Variants in ACVR2A observed in about 807,000 individuals in gnomAD.
ACVR2A encodes activin receptor type-2A.
ACVR2A carries 7 observed loss-of-function variants against 61.4 expected under a neutral mutation model. That is an observed-to-expected ratio of 0.11 (90% CI 0.06 to 0.21). ACVR2A has a LOEUF of 0.21. ACVR2A is among the 10% of genes least tolerant of loss of function. ACVR2A has a pLI of 1.00. For missense variants in ACVR2A, 322 were observed against 621.7 expected, an observed-to-expected ratio of 0.52 and a Z score of 5.13; for synonymous variants, 193 against 208.3, an observed-to-expected ratio of 0.93 and a Z score of 0.63.
chr2:147,896,621 T>TA, intron 2 of ACVR2A, 113 bp downstream of exon 2: 1 of 983,258 alleles, frequency 1.0e-6, no homozygotes, highest in Non-Finnish European at 1.5e-6. Flanking sequence ...TCTTGCTTTT[T>TA]AAAAAATGGG....
Position 147,927,541 on chromosome 2 carries a change from C to T in ACVR2A, c.*267C>T, listed in dbSNP as rs184320682. 1.6e-4 allele frequency: 43 copies of T among 271,188 alleles called. No homozygotes were observed. The highest frequency in any genetic ancestry group is 9.4e-4 in the African/African-American group (43 of 45,524). The allele number at this position is 271,188 out of a possible 1,614,324, so 16.8% of individuals were successfully genotyped here. A position where few individuals can be genotyped will look rare whatever the true frequency, so the allele number is the denominator to read the frequency against. ...AAGTGTACATGAAGAATGTAGCCCT[C>T]TCCAAATCAAGGATCTTTTGGACCT... On this transcript the variant is annotated 3_prime_UTR_variant, in exon 11 of 11. Transcript: ENST00000241416.
At chr2:147,895,280 A>G (rs1361280404) in intron 1 of ACVR2A, among the ~76,000 whole-genome samples, 1 of 152,148 alleles carries the variant, frequency 6.6e-6, no homozygotes, top group Non-Finnish European at 1.5e-5. Flanking sequence ...ATAGTGCACT[A>G]CTGTAATAAT....
At chr2:147,880,964 C>A (rs576024292) in intron 1 of ACVR2A, among the ~76,000 whole-genome samples, 4 of 152,192 alleles carry the variant, frequency 2.6e-5, no homozygotes, top group Non-Finnish European at 4.4e-5. Flanking sequence ...ATTTTTCCCT[C>A]TTTGTTTAAT....
At chr2:147,926,525 G>T (rs1330535547) in intron 10 of ACVR2A, among the ~76,000 whole-genome samples, 1 of 151,944 alleles carries the variant, frequency 6.6e-6, no homozygotes, top group Non-Finnish European at 1.5e-5. Context: ...GAAGCACCAT[G>T]TTTTCTCCTC....
At chr2:147,880,218 A>AT (rs1686266846) in intron 1 of ACVR2A, among the ~76,000 whole-genome samples, 1 of 152,030 alleles carries the variant, frequency 6.6e-6, no homozygotes, top group South Asian at 2.1e-4. Flanking sequence ...TTTAAAAAAA[A>AT]TTTTTTATAG....
chr2:147,879,844 T>A (rs555542988), intron 1 of ACVR2A, among the ~76,000 whole-genome samples: 2 of 152,314 alleles, frequency 1.3e-5, no homozygotes, highest in African/African-American at 4.8e-5. Flanking sequence ...AGGCTGTTGC[T>A]ATAGTCCAGG....
At chr2:147,880,697 A>G (rs1686278270) in intron 1 of ACVR2A, among the ~76,000 whole-genome samples, 1 of 152,164 alleles carries the variant, frequency 6.6e-6, no homozygotes, top group African/African-American at 2.4e-5. Context: ...TCAAGAAGTT[A>G]GCTATTTCTC....
intron 1 of ACVR2A, among the ~76,000 whole-genome samples, chr2:147,879,169 A>G (rs1041765626): frequency 2.0e-5 from 3 of 152,068 alleles, no homozygotes; most frequent in Admixed American, 2.0e-4. Flanking sequence ...CTGTTTTTCA[A>G]CTTTGTTTTA....
intron 1 of ACVR2A, among the ~76,000 whole-genome samples, chr2:147,848,948 C>A (rs957320452): frequency 9.2e-5 from 14 of 152,080 alleles, no homozygotes; most frequent in African/African-American, 3.4e-4. Context: ...TGATGATCTC[C>A]AGGTAACGTT....
intron 1 of ACVR2A, among the ~76,000 whole-genome samples, chr2:147,882,921 G>T (rs1349920527): frequency 6.6e-6 from 1 of 152,036 alleles, no homozygotes; most frequent in Non-Finnish European, 1.5e-5. Context: ...AAATTAGATT[G>T]ACAGGGCCTA....
In ACVR2A at chr2:147,899,582, A is replaced by G; in HGVS notation, c.373+15A>G. On this transcript the variant is annotated intron_variant, in intron 3 of 10. Transcript: ENST00000241416. Reference sequence around the variant, plus strand: ...AGTCACACAGCGTAAGTTCACAGGGAAAATACGTAGGTTTGCTCAACTGTA... The same window carrying G: ...AGTCACACAGCGTAAGTTCACAGGGGAAATACGTAGGTTTGCTCAACTGTA... 6.2e-7 allele frequency: 1 copy of G among 1,607,282 alleles called. No homozygotes were observed. The highest frequency in any genetic ancestry group is 8.5e-7 in the Non-Finnish European group (1 of 1,174,930).
chr2:147,880,446 C>G (rs1033201930), intron 1 of ACVR2A, among the ~76,000 whole-genome samples: 1 of 151,994 alleles, frequency 6.6e-6, no homozygotes, highest in African/African-American at 2.4e-5. Flanking sequence ...TCTACTCTTT[C>G]CAGAGGTATT....
intron 1 of ACVR2A, among the ~76,000 whole-genome samples, chr2:147,845,846 T>A (rs564042527): frequency 1.1e-4 from 17 of 152,354 alleles, no homozygotes; most frequent in Non-Finnish European, 2.1e-4. Context: ...GGTAATGTGC[T>A]GGCGTTCAAC....
intron 4 of ACVR2A, among the ~76,000 whole-genome samples, chr2:147,902,339 C>T (rs1686888901): frequency 6.6e-6 from 1 of 151,982 alleles, no homozygotes; most frequent in Admixed American, 6.6e-5. Context: ...CTCTTTGACA[C>T]TAAAGCTTTG....
chr2:147,925,130 G>GGAA (rs1293509572), intron 9 of ACVR2A, among the ~76,000 whole-genome samples: 1 of 151,970 alleles, frequency 6.6e-6, no homozygotes, highest in Non-Finnish European at 1.5e-5. Context: ...GTCTGTCAAA[G>GGAA]GAAGGCAATC....
Position 147,879,264 on chromosome 2 carries a change from C to T in ACVR2A, c.56-17037C>T, listed in dbSNP as rs575121512. On this transcript the variant is annotated intron_variant, in intron 1 of 10. Coordinates refer to ENST00000241416, the MANE Select transcript of ACVR2A (RefSeq NM_001616.5). ...ATTTCTTCTCTTACAGTTCTGGAGA[C>T]TCCAAGATCAAGGCAAAGGCATCTG... is the stretch of plus-strand genomic sequence containing the variant. 2.6e-5 allele frequency among the ~76,000 whole-genome samples: 4 copies of T among 152,206 alleles called. No homozygotes were observed. In the South Asian group the frequency reaches 8.3e-4, roughly 32 times the overall value.
chr2:147,869,669 T>C (rs758111512), intron 1 of ACVR2A, among the ~76,000 whole-genome samples: 1 of 152,210 alleles, frequency 6.6e-6, no homozygotes, highest in Non-Finnish European at 1.5e-5. Flanking sequence ...ATATAGTTTA[T>C]ATTTAAATGC....
At position 147,926,946 on chromosome 2, in the gene ACVR2A, A is replaced by C. The variant is rs752125053; in HGVS notation, c.1348-134A>C. 4 of 776,116 alleles carry C rather than the reference A, an allele frequency of 5.2e-6. No homozygotes were observed. The African/African-American group carries it at 7.2e-5, about 14-fold the overall frequency. The allele number at this position is 776,116 out of a possible 1,614,324, so 48.1% of individuals were successfully genotyped here. On this transcript the variant is annotated intron_variant, in intron 10 of 10. Coordinates refer to ENST00000241416, the MANE Select transcript of ACVR2A (RefSeq NM_001616.5). ...TTTTCTTTATGATTCTGCACATGGTAGTCAATAAAAGTGAATGTTGACAGA... is the reference window on the plus strand; with the variant it reads ...TTTTCTTTATGATTCTGCACATGGTCGTCAATAAAAGTGAATGTTGACAGA...
intron 5 of ACVR2A, among the ~76,000 whole-genome samples, chr2:147,916,093 G>A (rs12105745): frequency 0.47 from 71,589 of 151,508 alleles, 17,375 homozygotes; most frequent in Middle Eastern, 0.64. Flanking sequence ...CATATAAGCA[G>A]TTTCTTTGTC....
Sources: gnomAD v4.1 joint callset for allele counts (sites outside exome capture counted in the v4.1 genomes callset) on GRCh38, gnomAD v4.1.1 for gene constraint, MANE v1.5 for transcripts, NCBI Gene and HGNC (gene_info 2026-07-23, HGNC 2026-07-21) for gene names.